SLC38A12: variants seen among roughly 807,000 people sequenced by gnomAD.
The protein encoded by SLC38A12 is solute carrier family 38 member 12.
the SLC38A12 span, chr17:74,795,640 T>TCTG: frequency 1.5e-5 from 24 of 1,606,992 alleles, no homozygotes; most frequent in East Asian, 5.1e-4. Flanking sequence ...TTGGTGAGTG[T>TCTG]CTGTGCCTCT....
the SLC38A12 span, among the ~76,000 whole-genome samples, chr17:74,827,241 A>G: frequency 6.6e-6 from 1 of 150,978 alleles, no homozygotes. This position sits in a 1 kb window ranked among gnomAD's most constrained non-coding sequence, Gnocchi z 4.7. Flanking sequence ...GCCAGGTTTT[A>G]CCAGCACGGC....
chr17:74,790,282 C>T, the SLC38A12 span: 4 of 1,614,080 alleles, frequency 2.5e-6, no homozygotes, highest in African/African-American at 1.3e-5. Flanking sequence ...GAGAAGCGGC[C>T]CATCCTGTCT....
At chr17:74,790,250 C>T in the SLC38A12 span, 7 of 1,614,056 alleles carry the variant, frequency 4.3e-6, no homozygotes, top group African/African-American at 8.0e-5. Context: ...ATGTTCTCAT[C>T]CGGGACAACT....
chr17:74,792,461 G>T, the SLC38A12 span, among the ~76,000 whole-genome samples: 3 of 151,932 alleles, frequency 2.0e-5, no homozygotes, highest in African/African-American at 7.3e-5. Context: ...AAAAAAAAAA[G>T]AAAACCAGAA....
the SLC38A12 span, among the ~76,000 whole-genome samples, chr17:74,788,323 C>T: frequency 1.3e-5 from 2 of 152,176 alleles, no homozygotes; most frequent in African/African-American, 2.4e-5. Flanking sequence ...GCGCTCCTTC[C>T]GTGAGTGTAT....
chr17:74,838,731 TGAC>T, the SLC38A12 span: 1 of 1,445,426 alleles, frequency 6.9e-7, no homozygotes, highest in Non-Finnish European at 9.1e-7. Flanking sequence ...CTTCTGCCGC[TGAC>T]GGCCAATGGG....
the SLC38A12 span, among the ~76,000 whole-genome samples, chr17:74,793,528 C>T: frequency 6.6e-6 from 1 of 152,196 alleles, no homozygotes; most frequent in African/African-American, 2.4e-5. Context: ...CCATTGATGT[C>T]TTCTCAGGAA....
the SLC38A12 span, among the ~76,000 whole-genome samples, chr17:74,803,524 C>T: frequency 6.6e-6 from 1 of 152,220 alleles, no homozygotes; most frequent in Non-Finnish European, 1.5e-5. Flanking sequence ...TGGGGACCTT[C>T]TGCGCTGAGC....
the SLC38A12 span, among the ~76,000 whole-genome samples, chr17:74,811,756 G>A: frequency 2.0e-5 from 3 of 151,906 alleles, no homozygotes; most frequent in Non-Finnish European, 4.4e-5. Context: ...TTGGGGCTAG[G>A]CATGGTGGCT....
the SLC38A12 span, among the ~76,000 whole-genome samples, chr17:74,786,347 C>G: frequency 3.6e-4 from 24 of 65,996 alleles, no homozygotes; most frequent in African/African-American, 3.1e-5. Flanking sequence ...TGGGAAGGAG[C>G]ACCTGGAAAC....
the SLC38A12 span, among the ~76,000 whole-genome samples, chr17:74,823,232 T>A: frequency 6.6e-6 from 1 of 152,134 alleles, no homozygotes; most frequent in Non-Finnish European, 1.5e-5. Context: ...TGGCTTGGGT[T>A]CCAGGAAGAC....
chr17:74,822,481 G>A, the SLC38A12 span, among the ~76,000 whole-genome samples: 5 of 152,254 alleles, frequency 3.3e-5, no homozygotes, highest in African/African-American at 9.6e-5. Flanking sequence ...CGGGAAGGTC[G>A]ACAGCACTTG....
chr17:74,813,059 A>G, the SLC38A12 span, among the ~76,000 whole-genome samples: 1 of 152,188 alleles, frequency 6.6e-6, no homozygotes, highest in African/African-American at 2.4e-5. Flanking sequence ...CAACCAGTCC[A>G]CTGCCTCAGT....
the SLC38A12 span, chr17:74,788,871 G>T: frequency 2.5e-6 from 4 of 1,612,456 alleles, no homozygotes; most frequent in Non-Finnish European, 2.5e-6. Context: ...GAACCTCAAG[G>T]TGTGTGTGTT....
At chr17:74,791,706 C>A in the SLC38A12 span, among the ~76,000 whole-genome samples, 2 of 152,368 alleles carry the variant, frequency 1.3e-5, no homozygotes, top group African/African-American at 4.8e-5. Flanking sequence ...GACCGGAGCC[C>A]TGAAGTGTGC....
At chr17:74,777,613 C>T in the SLC38A12 span, 3 of 1,485,940 alleles carry the variant, frequency 2.0e-6, no homozygotes. Flanking sequence ...ACAAAATCGC[C>T]ATGCTGTTTA....
the SLC38A12 span, among the ~76,000 whole-genome samples, chr17:74,804,467 T>C: frequency 1.3e-5 from 2 of 152,254 alleles, no homozygotes; most frequent in Non-Finnish European, 2.9e-5. Flanking sequence ...GACTCGGCTA[T>C]GATGGCCCTT....
chr17:74,794,747 A>G, the SLC38A12 span, among the ~76,000 whole-genome samples: 3 of 152,026 alleles, frequency 2.0e-5, no homozygotes, highest in Non-Finnish European at 2.9e-5. Flanking sequence ...TCTGGCTTCA[A>G]AATCTCTCTG....
At chr17:74,788,241 A>G in the SLC38A12 span, among the ~76,000 whole-genome samples, 5 of 152,256 alleles carry the variant, frequency 3.3e-5, no homozygotes, top group Non-Finnish European at 7.3e-5. Flanking sequence ...TTATTTGGAA[A>G]GTAAAAAGTA....
Sources: allele counts gnomAD v4.1 joint callset (sites outside exome capture counted in the v4.1 genomes callset), GRCh38; gene constraint gnomAD v4.1.1; non-coding constraint Gnocchi (gnomAD v3.1); transcripts MANE v1.5; gene names NCBI Gene and HGNC (gene_info 2026-07-23, HGNC 2026-07-21).